CDH18: variants seen among roughly 807,000 people sequenced by gnomAD.
CDH18 encodes cadherin-18.
A neutral mutation model predicts 67.9 loss-of-function variants in CDH18; 31 were observed. That is an observed-to-expected ratio of 0.46 (90% CI 0.34 to 0.62). The LOEUF (loss-of-function observed/expected upper bound fraction) is 0.62, where lower values mean the gene tolerates loss of function less well. Ranked by LOEUF, CDH18 falls within the 20% of genes least tolerant of loss-of-function variation. The pLI, the probability that CDH18 is intolerant of heterozygous loss-of-function variation, is 0.01. For synonymous variants in CDH18, 362 were observed against 347.2 expected (o/e 1.04, Z -0.48); for missense variants, 890 against 975.5 (o/e 0.91, Z 1.17).
In CDH18 at chr5:20,227,294, A is replaced by AT. The variant is rs1470882734; in HGVS notation, c.-518+28149dup. On this transcript the variant is annotated intron_variant, in intron 2 of 14. Transcript: ENST00000507958. ...TTTCCAGTGTCATCTTGGTTCCCAC[A>AT]TTTTTGCTGGGATATTCTATTTTCC... 2.6e-5 allele frequency among the ~76,000 whole-genome samples: 4 copies of AT among 151,980 alleles called. 1 individual carries two copies. The South Asian group carries it at 6.2e-4, about 24-fold the overall frequency.
intron 1 of CDH18, among the ~76,000 whole-genome samples, chr5:20,418,136 C>T (rs940620741): frequency 1.5e-4 from 23 of 151,586 alleles, no homozygotes; most frequent in African/African-American, 3.9e-4. Context: ...AGTGCAGTGG[C>T]GCAATCTTGG....
At chr5:19,683,997 A>G (rs1032303765) in intron 5 of CDH18, among the ~76,000 whole-genome samples, 1 of 152,094 alleles carries the variant, frequency 6.6e-6, no homozygotes, top group Non-Finnish European at 1.5e-5. Flanking sequence ...AAGATTATTG[A>G]GCTGCTCTAA....
At chr5:19,813,289 TA>T (rs1188459243) in intron 3 of CDH18, among the ~76,000 whole-genome samples, 5 of 151,320 alleles carry the variant, frequency 3.3e-5, no homozygotes, top group African/African-American at 1.2e-4. Context: ...TAAAGTATAA[TA>T]AAAAAAATTA....
At chr5:19,645,912 C>T (rs1364674991) in intron 5 of CDH18, among the ~76,000 whole-genome samples, 1 of 152,036 alleles carries the variant, frequency 6.6e-6, no homozygotes, top group Admixed American at 6.6e-5. Context: ...CATCTATTAA[C>T]ATTACTGTGA....
At chr5:19,501,138 T>C (rs1743160701) in intron 11 of CDH18, among the ~76,000 whole-genome samples, 1 of 148,892 alleles carries the variant, frequency 6.7e-6, no homozygotes, top group East Asian at 2.0e-4. Context: ...TATCTCAATA[T>C]ATACAAATAT....
chr5:19,690,088 T>C (rs1012836475), intron 5 of CDH18, among the ~76,000 whole-genome samples: 2 of 151,198 alleles, frequency 1.3e-5, no homozygotes, highest in Non-Finnish European at 3.0e-5. Flanking sequence ...TGTGTGTATA[T>C]ATATATATAC....
At chr5:20,461,447 T>G (rs1446402538) in intron 1 of CDH18, among the ~76,000 whole-genome samples, 1 of 152,158 alleles carries the variant, frequency 6.6e-6, no homozygotes, top group Non-Finnish European at 1.5e-5. Flanking sequence ...TCTAGAAAGA[T>G]AATCTTCTGA....
At chr5:19,634,041 T>C (rs946816293) in intron 5 of CDH18, among the ~76,000 whole-genome samples, 3 of 152,144 alleles carry the variant, frequency 2.0e-5, no homozygotes, top group African/African-American at 7.2e-5. Flanking sequence ...CCATCTAATA[T>C]CCAACTAATG....
intron 1 of CDH18, among the ~76,000 whole-genome samples, chr5:20,404,884 A>G (rs1429179978): frequency 3.3e-5 from 5 of 152,194 alleles, no homozygotes; most frequent in African/African-American, 1.2e-4. Context: ...TAGTACAGGT[A>G]TGACTGCACC....
chr5:20,404,529 G>T (rs1036587059), intron 1 of CDH18, among the ~76,000 whole-genome samples: 4 of 152,080 alleles, frequency 2.6e-5, no homozygotes, highest in African/African-American at 9.7e-5. Flanking sequence ...CAGGGCATAA[G>T]GAGGCCTGAT....
intron 1 of CDH18, among the ~76,000 whole-genome samples, chr5:20,336,708 G>C (rs1739785832): frequency 9.4e-6 from 1 of 105,880 alleles, no homozygotes; most frequent in South Asian, 3.5e-4. Flanking sequence ...GGGCAACAGA[G>C]AGGGAGCCTC....
At chr5:19,822,807 G>A (rs972064072) in intron 3 of CDH18, among the ~76,000 whole-genome samples, 1 of 152,134 alleles carries the variant, frequency 6.6e-6, no homozygotes. Context: ...CAGGAGACAG[G>A]ATTTGAGAGG....
chr5:20,545,431 C>G (rs1174419134), intron 1 of CDH18, among the ~76,000 whole-genome samples: 2 of 152,210 alleles, frequency 1.3e-5, no homozygotes, highest in Admixed American at 6.5e-5. Flanking sequence ...CTGCAGAGGA[C>G]TTCTGCCTAG....
At chr5:20,368,178 A>G (rs1742678801) in intron 1 of CDH18, among the ~76,000 whole-genome samples, 1 of 152,228 alleles carries the variant, frequency 6.6e-6, no homozygotes, top group Non-Finnish European at 1.5e-5. Context: ...ATGTATCCAG[A>G]AAAAGATATG....
chr5:20,076,656 C>A (rs1743967570), intron 2 of CDH18, among the ~76,000 whole-genome samples: 1 of 152,010 alleles, frequency 6.6e-6, no homozygotes, highest in Non-Finnish European at 1.5e-5. Flanking sequence ...GTTTTCTCAA[C>A]TACGGGCATG....
At chr5:20,317,149 A>C (rs1737545582) in intron 1 of CDH18, among the ~76,000 whole-genome samples, 1 of 152,042 alleles carries the variant, frequency 6.6e-6, no homozygotes, top group African/African-American at 2.4e-5. Context: ...TGCCTTTAGA[A>C]TTTTATCTTT....
chr5:19,864,338 T>C (rs545575605), intron 2 of CDH18, among the ~76,000 whole-genome samples: 2 of 127,894 alleles, frequency 1.6e-5, no homozygotes, highest in East Asian at 2.5e-4. Context: ...TGAGAACACA[T>C]GGACACAGGA....
intron 2 of CDH18, among the ~76,000 whole-genome samples, chr5:20,219,930 A>T (rs1328899536): frequency 6.6e-6 from 1 of 151,984 alleles, no homozygotes; most frequent in East Asian, 1.9e-4. Context: ...AGAAGGGAAG[A>T]TCTCTATAAT....
chr5:20,211,973 C>G (rs901620022), intron 2 of CDH18, among the ~76,000 whole-genome samples: 1 of 152,244 alleles, frequency 6.6e-6, no homozygotes, highest in East Asian at 1.9e-4. Flanking sequence ...TCAGTAATAA[C>G]AAACTTCTCT....
Sources: allele counts gnomAD v4.1 joint callset (sites outside exome capture counted in the v4.1 genomes callset), GRCh38; gene constraint gnomAD v4.1.1; transcripts MANE v1.5; gene names NCBI Gene and HGNC (gene_info 2026-07-23, HGNC 2026-07-21).